ACSM6: variants seen among roughly 807,000 people sequenced by gnomAD.
The protein encoded by ACSM6 is acyl-coenzyme A synthetase ACSM6, mitochondrial.
Under a neutral mutation model 51.1 loss-of-function variants are expected in ACSM6, and 35 were observed. The ratio of observed to expected loss-of-function variants is 0.69; its 90% confidence interval spans 0.52 to 0.91. The LOEUF (loss-of-function observed/expected upper bound fraction) is 0.91. ACSM6 is among the 40% of genes least tolerant of loss of function. The pLI is 0.00. For synonymous variants in ACSM6, 172 were observed against 207.3 expected, an observed-to-expected ratio of 0.83 and a Z score of 1.46; for missense variants, 509 against 584.1, an observed-to-expected ratio of 0.87 and a Z score of 1.32.
exon 10 of ACSM6, chr10:95,225,359 A>C (rs764058134): frequency 1.3e-6 from 2 of 1,551,580 alleles, no homozygotes; most frequent in South Asian, 2.4e-5. Context: ...CATAAAACTA[A>C]ACCAACCTGC....
intron 9 of ACSM6, among the ~76,000 whole-genome samples, chr10:95,222,894 G>T (rs535498335): frequency 1.4e-5 from 2 of 143,086 alleles, no homozygotes; most frequent in South Asian, 4.2e-4. Flanking sequence ...ACTTTTGAAG[G>T]TGATGAATAG....
chr10:95,223,321 C>T (rs1243865116), intron 9 of ACSM6, among the ~76,000 whole-genome samples: 1 of 152,096 alleles, frequency 6.6e-6, no homozygotes, highest in Non-Finnish European at 1.5e-5. Flanking sequence ...GAGGCTGTGT[C>T]TCAAAATGGG....
chr10:95,205,390 C>T (rs570327359), intron 3 of ACSM6, among the ~76,000 whole-genome samples: 1 of 152,144 alleles, frequency 6.6e-6, no homozygotes, highest in Admixed American at 6.5e-5. Context: ...CAGTGAGGGC[C>T]CACTTTCTGA....
At position 95,210,902 on chromosome 10, in the gene ACSM6, A is replaced by G. The variant is rs2034886980; in HGVS notation, c.755+109A>G. Reference sequence around the variant, plus strand: ...GGAGTTTCTTACTCAAGACTGCAGAAAGTGTCAATATTGAGAGAAGGAACA... The same window carrying G: ...GGAGTTTCTTACTCAAGACTGCAGAGAGTGTCAATATTGAGAGAAGGAACA... On this transcript the variant is annotated intron_variant, in intron 5 of 10. Coordinates refer to ENST00000341686, the Ensembl canonical transcript of ACSM6. The G allele has an allele frequency of 1.9e-5, 25 of 1,293,340 alleles. 1 individual carries two copies. In the South Asian group the frequency reaches 4.0e-4, roughly 21 times the overall value. 80.1% of individuals were successfully genotyped at this position (1,293,340 alleles called of 1,614,324 possible).
At position 95,194,453 on chromosome 10, in the gene ACSM6, C is replaced by T; in HGVS notation, c.-21-12C>T. ...GCTCAATTACTCCCTGTCTTTTCCT[C>T]AATTTACCTAGGTGGTTCCCTGTCT... is the stretch of plus-strand genomic sequence containing the variant. On this transcript the variant is annotated splice_polypyrimidine_tract_variant and intron_variant, in intron 1 of 10. Transcript: ENST00000341686. 6.5e-7 allele frequency: 1 copy of T among 1,541,662 alleles called. No individual in the cohort carries two copies. The highest frequency in any genetic ancestry group is 8.8e-7 in the Non-Finnish European group (1 of 1,139,030).
rs1003921424 is a variant in ACSM6, at chr10:95,203,014, A to G, written c.403+819A>G. On this transcript the variant is annotated intron_variant, in intron 3 of 10. Transcript: ENST00000341686. ...CCTCTACCTCAGTCTGTGACATGTT[A>G]GGAACTAGGCTGCACAGCAGGAGAT... Among the ~76,000 whole-genome samples the G allele has an allele frequency of 4.6e-5, 7 of 151,532 alleles. No homozygotes were observed. In the East Asian group the frequency reaches 1.4e-3, roughly 29 times the overall value.
At chr10:95,227,477 T>C (rs1278997230) in intron 10 of ACSM6, among the ~76,000 whole-genome samples, 3 of 152,198 alleles carry the variant, frequency 2.0e-5, no homozygotes, top group African/African-American at 7.2e-5. Context: ...AAAGCCTAGG[T>C]AAAACGTTTT....
chr10:95,212,059 T>C, intron 6 of ACSM6, 25 bp downstream of exon 6: 1 of 1,613,592 alleles, frequency 6.2e-7, no homozygotes, highest in South Asian at 1.1e-5. Flanking sequence ...TAGTGTGGAA[T>C]GTGTGGGACA....
chr10:95,197,214 C>T (rs534989761), intron 2 of ACSM6, among the ~76,000 whole-genome samples: 1 of 152,276 alleles, frequency 6.6e-6, no homozygotes, highest in South Asian at 2.1e-4. Flanking sequence ...GCCTGCCCCT[C>T]CACATCTGTG....
intron 2 of ACSM6, among the ~76,000 whole-genome samples, chr10:95,197,388 C>T (rs1015963864): frequency 4.3e-4 from 65 of 152,244 alleles, no homozygotes; most frequent in African/African-American, 1.3e-3. Flanking sequence ...TTATTATCTT[C>T]ATTATTTCAG....
At chr10:95,228,474 G>A in intron 10 of ACSM6, 170 bp from the exon 11 acceptor site, 1 of 590,368 alleles carries the variant, frequency 1.7e-6, no homozygotes, top group Non-Finnish European at 2.7e-6. Context: ...AAATGACCAA[G>A]GAAAGTTCTC....
At position 95,207,267 on chromosome 10, in the gene ACSM6, C is replaced by T. The variant is rs200758572; in HGVS notation, c.463C>T (p.Arg155Cys). The T allele has an allele frequency of 7.1e-4, 1,139 of 1,614,116 alleles. 1 individual carries two copies. Among genetic ancestry groups the T allele is most frequent in the Admixed American group, 1.1e-3 (67 of 60,014 alleles). ...TGCCAAGAAAATTCGCTATCAATTA[C>T]GCATGTCTAAGGCCCAGTGCATTGT... is the stretch of plus-strand genomic sequence containing the variant. The change falls in exon 4 of 11, where the codon CGC becomes TGC. Residue 155 changes from arginine (R) to cysteine (C), a missense_variant. Arg to Cys is a radical substitution (Grantham distance 180, BLOSUM62 -3). Transcript: ENST00000341686.
chr10:95,224,404 C>T (rs923637986), intron 9 of ACSM6, among the ~76,000 whole-genome samples: 11 of 152,274 alleles, frequency 7.2e-5, no homozygotes, highest in Non-Finnish European at 1.2e-4. Flanking sequence ...AGAAGCCACT[C>T]GGCTGAAATA....
In ACSM6 at chr10:95,199,249, G is replaced by A. The variant is rs533738409; in HGVS notation, c.193-2736G>A. ...AAACCTGACAAAAACAAGAAATGGA[G>A]AAAGGATTCCCTATTTAATAAATGG... is the stretch of plus-strand genomic sequence containing the variant. On this transcript the variant is annotated intron_variant, in intron 2 of 10. Transcript: ENST00000341686. Among the ~76,000 whole-genome samples, 227 of 152,312 alleles carry A rather than the reference G, an allele frequency of 1.5e-3. 1 individual carries two copies. Among genetic ancestry groups the A allele is most frequent in the Non-Finnish European group, 2.8e-3 (190 of 68,026 alleles).
At chr10:95,219,957 C>T in exon 9 of ACSM6, 1 of 1,611,502 alleles carries the variant, frequency 6.2e-7, no homozygotes, top group Non-Finnish European at 8.5e-7. Context: ...GCCATTGCCA[C>T]CTTATATTGT....
At chr10:95,198,648 C>CA (rs11357937) in intron 2 of ACSM6, among the ~76,000 whole-genome samples, 4 of 138,412 alleles carry the variant, frequency 2.9e-5, no homozygotes, top group Non-Finnish European at 4.7e-5. Context: ...AAGACTGTCT[C>CA]AAAAAAAAAA....
At position 95,201,977 on chromosome 10, in the gene ACSM6, C is replaced by G. The variant is rs1217709727; in HGVS notation, c.193-8C>G. 1.2e-5 allele frequency: 18 copies of G among 1,550,756 alleles called. No individual in the cohort carries two copies. Among genetic ancestry groups the G allele is most frequent in the Non-Finnish European group, 1.5e-5 (17 of 1,146,276 alleles). On this transcript the variant is annotated splice_region_variant and splice_polypyrimidine_tract_variant and intron_variant, in intron 2 of 10. Coordinates refer to ENST00000341686, the Ensembl canonical transcript of ACSM6. ...TAATATTCATATTTTAAACATCACCCTGCCTAGGACGGACTCAGAGGGCCT... is the reference window on the plus strand; with the variant it reads ...TAATATTCATATTTTAAACATCACCGTGCCTAGGACGGACTCAGAGGGCCT...
At chr10:95,201,229 G>A (rs1227344429) in intron 2 of ACSM6, among the ~76,000 whole-genome samples, 3 of 152,098 alleles carry the variant, frequency 2.0e-5, no homozygotes, top group African/African-American at 7.2e-5. Context: ...ATGTATAGAT[G>A]GCACAATGGT....
At position 95,194,726 on chromosome 10, in the gene ACSM6, G is replaced by A. The variant is rs1392582176; in HGVS notation, c.192+49G>A. On this transcript the variant is annotated intron_variant, in intron 2 of 10. Transcript: ENST00000341686. ...TGGAAACTTTGGCCAAGGCCAGTTGGTAAAGCGTCCAAAGATCATGAGATT... is the reference window on the plus strand; with the variant it reads ...TGGAAACTTTGGCCAAGGCCAGTTGATAAAGCGTCCAAAGATCATGAGATT... The A allele has an allele frequency of 2.0e-6, 3 of 1,469,340 alleles. No homozygotes were observed. The Admixed American group carries it at 6.2e-5, about 30-fold the overall frequency. 91.0% of individuals were successfully genotyped at this position (1,469,340 alleles called of 1,614,324 possible). A position where few individuals can be genotyped will look rare whatever the true frequency, so the allele number is the denominator to read the frequency against.
Sources: gnomAD v4.1 joint callset for allele counts (sites outside exome capture counted in the v4.1 genomes callset) on GRCh38, gnomAD v4.1.1 for gene constraint, MANE v1.5 for transcripts, NCBI Gene and HGNC (gene_info 2026-07-23, HGNC 2026-07-21) for gene names.